GSG1L: variants seen among roughly 807,000 people sequenced by gnomAD.
The protein encoded by GSG1L is GSG1 like.
A neutral mutation model predicts 42.1 loss-of-function variants in GSG1L; 24 were observed. That is an observed-to-expected ratio of 0.57 (90% CI 0.41 to 0.80). The LOEUF (loss-of-function observed/expected upper bound fraction) is 0.80. GSG1L is among the 30% of genes least tolerant of loss of function. The pLI is 0.00. For missense variants in GSG1L, 445 were observed against 472.2 expected, an observed-to-expected ratio of 0.94 and a Z score of 0.53; for synonymous variants, 215 against 203.5, an observed-to-expected ratio of 1.06 and a Z score of -0.48.
chr16:28,026,747 C>A (rs1272457984), intron 1 of GSG1L, among the ~76,000 whole-genome samples: 2 of 152,182 alleles, frequency 1.3e-5, no homozygotes, highest in Non-Finnish European at 1.5e-5. Context: ...CATCTGCTCA[C>A]AGTCAATAAT....
intron 6 of GSG1L, 129 bp from the exon 7 acceptor site, chr16:27,791,596 T>C (rs370312096): frequency 1.9e-6 from 1 of 515,842 alleles, no homozygotes. Flanking sequence ...ATCATGCCTT[T>C]TGTCTACCGA....
intron 6 of GSG1L, among the ~76,000 whole-genome samples, chr16:27,807,113 C>A (rs1317358053): frequency 2.6e-5 from 4 of 152,238 alleles, no homozygotes; most frequent in Admixed American, 2.6e-4. Context: ...CCAAGAGTAT[C>A]CTCAGCTCAA....
intron 2 of GSG1L, among the ~76,000 whole-genome samples, chr16:27,891,035 C>A (rs80121937): frequency 0.059 from 9,003 of 152,202 alleles, 512 homozygotes; most frequent in East Asian, 0.16. Context: ...CCCTGGCCAC[C>A]AGAGCCCACC....
At chr16:27,840,741 C>T (rs991751359) in intron 4 of GSG1L, among the ~76,000 whole-genome samples, 1 of 152,186 alleles carries the variant, frequency 6.6e-6, no homozygotes, top group African/African-American at 2.4e-5. Context: ...TTGGCTCATG[C>T]AGATACTGTG....
At chr16:28,006,342 T>C (rs2085638801) in intron 1 of GSG1L, among the ~76,000 whole-genome samples, 1 of 142,590 alleles carries the variant, frequency 7.0e-6, no homozygotes, top group South Asian at 2.2e-4. Flanking sequence ...AGAGTCTCGC[T>C]CTGTCACCCA....
Position 27,790,217 on chromosome 16 carries a change from A to AATGG in GSG1L, c.*1149_*1152dup, listed in dbSNP as rs1410157115. On this transcript the variant is annotated 3_prime_UTR_variant, in exon 7 of 7. Coordinates refer to ENST00000447459, the MANE Select transcript of GSG1L (RefSeq NM_001109763.2). ...GTGGATAATAGATGGACGAATGATGAATGGATGGATGGATAATGGATAATG... is the reference window on the plus strand; with the variant it reads ...GTGGATAATAGATGGACGAATGATGAATGGATGGATGGATGGATAATGGATAATG... 1 of 151,324 alleles carries AATGG rather than the reference A, an allele frequency of 6.6e-6. No individual in the cohort carries two copies. The highest frequency in any genetic ancestry group is 1.5e-5 in the Non-Finnish European group (1 of 67,742). The allele number at this position is 151,324 out of a possible 1,614,324, so 9.4% of individuals were successfully genotyped here.
At chr16:28,015,968 A>C (rs2085775470) in intron 1 of GSG1L, among the ~76,000 whole-genome samples, 1 of 152,174 alleles carries the variant, frequency 6.6e-6, no homozygotes. Flanking sequence ...CCAGTGGCAA[A>C]GGCTACACTT....
intron 1 of GSG1L, among the ~76,000 whole-genome samples, chr16:28,046,341 CTTTTTTTTTTTTT>C (rs201480876): frequency 0.4 from 30,873 of 77,394 alleles, 4,460 homozygotes; most frequent in Admixed American, 0.45. Context: ...GAAGTCCACT[CTTTTTTTTTTTTT>C]TTTTTTTTTT....
intron 1 of GSG1L, among the ~76,000 whole-genome samples, chr16:28,012,713 G>A (rs889504545): frequency 7.2e-5 from 11 of 151,974 alleles, no homozygotes; most frequent in African/African-American, 2.2e-4. Context: ...CAGCAAGACC[G>A]TGTCTCTATG....
chr16:27,974,720 C>G (rs2085232549), intron 1 of GSG1L, among the ~76,000 whole-genome samples: 1 of 152,172 alleles, frequency 6.6e-6, no homozygotes, highest in Non-Finnish European at 1.5e-5. Flanking sequence ...GTCACCAACT[C>G]AAGCCTTCTC....
rs116372977 is a variant in GSG1L, at chr16:27,952,255, C to T, written c.397+10901G>A. Among the ~76,000 whole-genome samples, 943 of 152,320 alleles carry T rather than the reference C, an allele frequency of 6.2e-3. 13 individuals are homozygous for T. The highest frequency in any genetic ancestry group is 0.022 in the African/African-American group (895 of 41,574). On this transcript the variant is annotated intron_variant, in intron 2 of 6. Coordinates refer to ENST00000447459, the MANE Select transcript of GSG1L (RefSeq NM_001109763.2). ...TGTACAGCCCCGTCGGGCACACAGG[C>T]GCCACAAAGACAAGATGCAGTGCTT...
intron 2 of GSG1L, among the ~76,000 whole-genome samples, chr16:27,942,597 G>A (rs2084813705): frequency 6.6e-6 from 1 of 152,128 alleles, no homozygotes; most frequent in Admixed American, 6.6e-5. Flanking sequence ...AATAGAAACC[G>A]TGGCAAAAGA....
intron 2 of GSG1L, among the ~76,000 whole-genome samples, chr16:27,946,589 G>A (rs1275592746): frequency 0.024 from 407 of 17,108 alleles, no homozygotes; most frequent in Admixed American, 0.028. Context: ...AAGAGAGAGA[G>A]AGAGAGAGAG....
In GSG1L at chr16:28,048,022, C is replaced by A. The variant is rs187854768; in HGVS notation, c.349+15054G>T. ...TTGCTTGAGGCCAATAGTTTGAGAC[C>A]AGCCTGGGCAACATAGTAACACCTC... is the stretch of plus-strand genomic sequence containing the variant. On this transcript the variant is annotated intron_variant, in intron 1 of 6. Transcript: ENST00000447459. 1.8e-3 allele frequency among the ~76,000 whole-genome samples: 270 copies of A among 146,458 alleles called. 1 individual carries two copies. Among genetic ancestry groups the A allele is most frequent in the Non-Finnish European group, 2.6e-3 (176 of 66,904 alleles).
chr16:27,965,884 C>T (rs2085126609), intron 1 of GSG1L, among the ~76,000 whole-genome samples: 1 of 152,208 alleles, frequency 6.6e-6, no homozygotes, highest in South Asian at 2.1e-4. Flanking sequence ...TCCCAGCATT[C>T]CCAACTCACC....
In GSG1L at chr16:27,884,713, A is replaced by G. The variant is rs1373000453; in HGVS notation, c.398-75T>C. ...GACTCACCCTGTGCCTATTCCTCCC[A>G]CAACAGCAGAGGGTAGCAAGTCATT... is the stretch of plus-strand genomic sequence containing the variant. On this transcript the variant is annotated intron_variant, in intron 2 of 6. Coordinates refer to ENST00000447459, the MANE Select transcript of GSG1L (RefSeq NM_001109763.2). This position sits in a 1 kb window ranked among gnomAD's most constrained non-coding sequence, Gnocchi z 4.4. 3 of 1,396,556 alleles carry G rather than the reference A, an allele frequency of 2.1e-6. No individual in the cohort carries two copies. Among genetic ancestry groups the G allele is most frequent in the Non-Finnish European group, 2.0e-6 (2 of 1,025,034 alleles). 86.5% of individuals were successfully genotyped at this position (1,396,556 alleles called of 1,614,324 possible). A position where few individuals can be genotyped will look rare whatever the true frequency, so the allele number is the denominator to read the frequency against.
intron 6 of GSG1L, among the ~76,000 whole-genome samples, chr16:27,794,674 C>T (rs1567455971): frequency 1.3e-5 from 2 of 152,184 alleles, no homozygotes; most frequent in South Asian, 4.1e-4. Context: ...CGAAACAAAA[C>T]CTCCTGGCTT....
At chr16:27,857,790 C>G (rs2140996744) in intron 3 of GSG1L, among the ~76,000 whole-genome samples, 1 of 152,110 alleles carries the variant, frequency 6.6e-6, no homozygotes, top group Middle Eastern at 3.4e-3. Context: ...CTCCCTACCC[C>G]CTCTCCAAGA....
intron 1 of GSG1L, among the ~76,000 whole-genome samples, chr16:27,964,652 A>G (rs1331552237): frequency 6.6e-6 from 1 of 152,242 alleles, no homozygotes; most frequent in South Asian, 2.1e-4. Context: ...CATTATGTTA[A>G]GTGAAATAAG....
Sources: allele counts gnomAD v4.1 joint callset (sites outside exome capture counted in the v4.1 genomes callset), GRCh38; gene constraint gnomAD v4.1.1; non-coding constraint Gnocchi (gnomAD v3.1); transcripts MANE v1.5; gene names NCBI Gene and HGNC (gene_info 2026-07-23, HGNC 2026-07-21).